CNTN4: variants seen among roughly 807,000 people sequenced by gnomAD.
CNTN4 encodes the protein contactin 4.
Under a neutral mutation model 122.5 loss-of-function variants are expected in CNTN4, and 77 were observed. That is an observed-to-expected ratio of 0.63 (90% confidence interval 0.52 to 0.76). The LOEUF is 0.76. Ranked by LOEUF, CNTN4 falls within the 30% of genes least tolerant of loss-of-function variation. The pLI, the probability that CNTN4 is intolerant of heterozygous loss-of-function variation, is 0.00. For missense variants in CNTN4, 1,256 were observed against 1,259.1 expected, an observed-to-expected ratio of 1.00 and a Z score of 0.04; for synonymous variants, 512 against 447.0, an observed-to-expected ratio of 1.15 and a Z score of -1.83.
At chr3:2,341,905 G>A (rs1280060085) in intron 3 of CNTN4, among the ~76,000 whole-genome samples, 3 of 152,120 alleles carry the variant, frequency 2.0e-5, no homozygotes, top group East Asian at 3.9e-4. Flanking sequence ...CAGCCTTCCA[G>A]TGCCCTCTCC....
intron 2 of CNTN4, among the ~76,000 whole-genome samples, chr3:2,218,325 G>A (rs567351857): frequency 7.4e-4 from 112 of 152,128 alleles, no homozygotes; most frequent in African/African-American, 2.5e-3. Flanking sequence ...TTATGAAATT[G>A]CAAACATGTA....
chr3:2,424,417 AG>A (rs1414567008), intron 3 of CNTN4, among the ~76,000 whole-genome samples: 1 of 152,130 alleles, frequency 6.6e-6, no homozygotes, highest in African/African-American at 2.4e-5. Context: ...ATGGCCGCAT[AG>A]TATTCCATGG....
At chr3:2,855,510 G>T (rs2093608612) in intron 7 of CNTN4, among the ~76,000 whole-genome samples, 1 of 152,218 alleles carries the variant, frequency 6.6e-6, no homozygotes, top group South Asian at 2.1e-4. Flanking sequence ...TAGGAAAGTT[G>T]TGGTTCTGCT....
At chr3:2,757,712 T>A (rs921197747) in intron 6 of CNTN4, among the ~76,000 whole-genome samples, 1 of 152,212 alleles carries the variant, frequency 6.6e-6, no homozygotes, top group African/African-American at 2.4e-5. Flanking sequence ...TTCATGTCTA[T>A]AATATATATT....
At chr3:2,384,441 G>A (rs765198491) in intron 3 of CNTN4, among the ~76,000 whole-genome samples, 12 of 152,076 alleles carry the variant, frequency 7.9e-5, no homozygotes, top group Admixed American at 5.9e-4. Flanking sequence ...TAAATTGTGG[G>A]GAAAAAGCAA....
At chr3:2,831,489 C>G (rs150343078) in intron 7 of CNTN4, among the ~76,000 whole-genome samples, 4 of 152,156 alleles carry the variant, frequency 2.6e-5, no homozygotes, top group Non-Finnish European at 5.9e-5. Flanking sequence ...AGAGAATGTT[C>G]GTGATATCTG....
At chr3:2,341,920 C>G (rs970354268) in intron 3 of CNTN4, among the ~76,000 whole-genome samples, 1 of 152,116 alleles carries the variant, frequency 6.6e-6, no homozygotes, top group East Asian at 1.9e-4. Flanking sequence ...CTCTCCAGTT[C>G]GTCACACCAT....
chr3:2,396,706 C>G (rs1011871081), intron 3 of CNTN4, among the ~76,000 whole-genome samples: 1 of 149,558 alleles, frequency 6.7e-6, no homozygotes, highest in Non-Finnish European at 1.5e-5. Context: ...TGCTGTCATA[C>G]ATAAATCAGA....
rs553966248 is a variant in CNTN4 at position 2,255,478 on chromosome 3, A to G, written c.-144-83700A>G. Among the ~76,000 whole-genome samples the G allele has an allele frequency of 8.5e-5, 13 of 152,292 alleles. No individual in the cohort carries two copies. The South Asian group carries it at 2.7e-3, about 32-fold the overall frequency. ...ACTCTCCACCCCAAATCCACAGAAT[A>G]TACATTTTTCTCAGCACCACATCGC... is the stretch of plus-strand genomic sequence containing the variant. On this transcript the variant is annotated intron_variant, in intron 2 of 24. Coordinates refer to ENST00000418658, the MANE Select transcript of CNTN4 (RefSeq NM_175607.3).
chr3:2,536,346 A>G (rs764953139), intron 3 of CNTN4, among the ~76,000 whole-genome samples: 4 of 152,126 alleles, frequency 2.6e-5, no homozygotes, highest in Non-Finnish European at 4.4e-5. Context: ...AATTTATAGA[A>G]CTGAAATCAT....
intron 7 of CNTN4, among the ~76,000 whole-genome samples, chr3:2,836,173 A>C (rs1278402265): frequency 6.6e-6 from 1 of 152,198 alleles, no homozygotes; most frequent in East Asian, 1.9e-4. Flanking sequence ...AAAATGTAGA[A>C]GATATGAACA....
intron 13 of CNTN4, among the ~76,000 whole-genome samples, chr3:2,932,195 G>A (rs187917561): frequency 1.3e-5 from 2 of 152,148 alleles, no homozygotes; most frequent in East Asian, 3.9e-4. Context: ...GGCTAACACG[G>A]TGAAACCCTC....
intron 14 of CNTN4, among the ~76,000 whole-genome samples, chr3:2,994,149 G>A (rs773729980): frequency 3.3e-5 from 5 of 151,916 alleles, no homozygotes; most frequent in South Asian, 2.1e-4. Context: ...ACCTCCCACC[G>A]TCACCAGCCT....
At chr3:2,833,305 A>G (rs1234475805) in intron 7 of CNTN4, among the ~76,000 whole-genome samples, 1 of 152,226 alleles carries the variant, frequency 6.6e-6, no homozygotes, top group Non-Finnish European at 1.5e-5. Flanking sequence ...CAGACTCAGT[A>G]AAAAGCCAAA....
At chr3:2,930,096 T>C (rs1221083906) in intron 13 of CNTN4, among the ~76,000 whole-genome samples, 1 of 152,146 alleles carries the variant, frequency 6.6e-6, no homozygotes. Context: ...ATCAGATTGT[T>C]CTCCACCACC....
intron 4 of CNTN4, among the ~76,000 whole-genome samples, chr3:2,700,291 C>G (rs749777690): frequency 1.3e-5 from 2 of 152,124 alleles, no homozygotes; most frequent in Non-Finnish European, 2.9e-5. Context: ...AAACTGTGAT[C>G]CAGAAGTTAA....
At chr3:2,874,161 T>C (rs926008769) in intron 8 of CNTN4, among the ~76,000 whole-genome samples, 22 of 152,236 alleles carry the variant, frequency 1.4e-4, no homozygotes, top group Admixed American at 1.4e-3. Flanking sequence ...TTTAGACCTC[T>C]AGCATAGCCA....
At chr3:2,947,837 T>C (rs1473841988) in intron 13 of CNTN4, among the ~76,000 whole-genome samples, 1 of 152,228 alleles carries the variant, frequency 6.6e-6, no homozygotes, top group Non-Finnish European at 1.5e-5. Flanking sequence ...CCTAACTTAG[T>C]GCCTGGTAGA....
At chr3:2,335,422 T>G (rs2043909483) in intron 2 of CNTN4, among the ~76,000 whole-genome samples, 1 of 152,112 alleles carries the variant, frequency 6.6e-6, no homozygotes, top group Admixed American at 6.5e-5. Context: ...ATTAGGCTCA[T>G]TTTATTCGAA....
Sources: allele counts gnomAD v4.1 joint callset (sites outside exome capture counted in the v4.1 genomes callset), GRCh38; gene constraint gnomAD v4.1.1; transcripts MANE v1.5; gene names NCBI Gene and HGNC (gene_info 2026-07-23, HGNC 2026-07-21).